The following TSNARE1 variants were observed in gnomAD, a reference collection of about 807,000 sequenced individuals.
TSNARE1 encodes t-SNARE domain containing 1, also known as t-SNARE domain-containing protein 1.
Under a neutral mutation model 62.0 loss-of-function variants are expected in TSNARE1, and 49 were observed. That is an observed-to-expected ratio of 0.79 (90% confidence interval 0.63 to 1.00). TSNARE1 has a LOEUF of 1.00. TSNARE1 is among the 50% of genes least tolerant of loss of function. The probability of loss-of-function intolerance (pLI) is 0.00; values close to 1 mark genes in which losing one functional copy is unlikely to be tolerated. For synonymous variants in TSNARE1, 328 were observed against 294.4 expected, an observed-to-expected ratio of 1.11 and a Z score of -1.17; for missense variants, 755 against 700.1, an observed-to-expected ratio of 1.08 and a Z score of -0.88.
intron 10 of TSNARE1, among the ~76,000 whole-genome samples, chr8:142,289,547 G>A (rs1212232251): frequency 3.3e-5 from 5 of 152,188 alleles, no homozygotes; most frequent in Admixed American, 6.5e-5. Flanking sequence ...TCAGCCACAC[G>A]AGCTGCAGGC....
chr8:142,215,902 G>C (rs146220098), intron 13 of TSNARE1, among the ~76,000 whole-genome samples: 1 of 152,218 alleles, frequency 6.6e-6, no homozygotes, highest in African/African-American at 2.4e-5. Context: ...TGCACCCCAG[G>C]CTGGCTTTGT....
At chr8:142,216,815 G>A (rs1009998239) in intron 13 of TSNARE1, among the ~76,000 whole-genome samples, 1 of 152,204 alleles carries the variant, frequency 6.6e-6, no homozygotes, top group African/African-American at 2.4e-5. Flanking sequence ...CCTCCTCTCA[G>A]TCGACAAATC....
At chr8:142,318,170 G>A (rs752157079) in intron 7 of TSNARE1, among the ~76,000 whole-genome samples, 3 of 152,198 alleles carry the variant, frequency 2.0e-5, no homozygotes, top group Non-Finnish European at 4.4e-5. Flanking sequence ...GGTGGCGGAT[G>A]CAGCAGAGGG....
intron 2 of TSNARE1, among the ~76,000 whole-genome samples, chr8:142,352,213 C>A (rs1406844415): frequency 6.6e-6 from 1 of 152,348 alleles, no homozygotes; most frequent in South Asian, 2.1e-4. Flanking sequence ...ACAAGGCAAA[C>A]CCAAGAGAAA....
intron 10 of TSNARE1, among the ~76,000 whole-genome samples, chr8:142,299,207 G>A (rs1007028855): frequency 6.6e-6 from 1 of 152,232 alleles, no homozygotes; most frequent in African/African-American, 2.4e-5. Context: ...GCAGGGAGGT[G>A]GGGGCCACAG....
intron 13 of TSNARE1, among the ~76,000 whole-genome samples, chr8:142,228,181 C>A (rs189175794): frequency 2.0e-5 from 3 of 152,362 alleles, no homozygotes; most frequent in Non-Finnish European, 4.4e-5. Context: ...AGAGCCAGAG[C>A]CACCCAGCTA....
intron 1 of TSNARE1, among the ~76,000 whole-genome samples, chr8:142,378,819 C>T (rs537943647): frequency 7.9e-5 from 12 of 152,328 alleles, no homozygotes; most frequent in East Asian, 1.9e-4. Context: ...GGTGCTCCAA[C>T]GGGCACGGGT....
At chr8:142,270,095 CCA>C (rs1819385663) in intron 12 of TSNARE1, 2 of 985,438 alleles carry the variant, frequency 2.0e-6, no homozygotes, top group African/African-American at 3.5e-5. Context: ...GGCAGAGGCC[CCA>C]GACTAGCCAA....
At chr8:142,378,971 T>C (rs1049251703) in intron 1 of TSNARE1, among the ~76,000 whole-genome samples, 2 of 152,098 alleles carry the variant, frequency 1.3e-5, no homozygotes, top group South Asian at 2.1e-4. Flanking sequence ...CAGCAGGCTC[T>C]GTGGTCGCCA....
intron 12 of TSNARE1, among the ~76,000 whole-genome samples, chr8:142,253,163 A>ACAGGCTGGCGACAGCC (rs1483865045): frequency 6.6e-6 from 1 of 152,204 alleles, no homozygotes; most frequent in African/African-American, 2.4e-5. Flanking sequence ...GCGGAGGTGG[A>ACAGGCTGGCGACAGCC]CAGGCTGGCG....
In TSNARE1 at chr8:142,229,485, C is replaced by A; in HGVS notation, c.1541G>T (p.Ter514LeuextTer8). The change falls in exon 13 of 14, where the codon TGA (stop) becomes TTA (leucine). Residue 514 changes from the stop codon to leucine, a stop_lost. Transcript: ENST00000524325. ...IIIIATSVRK[*>L] ...GTGGGGTACTCACCACGGGTAGCAT[C>A]ACTTTCGGACAGAGGTGGCGATGAT... 2 of 1,614,058 alleles carry A rather than the reference C, an allele frequency of 1.2e-6. No homozygotes were observed. The highest frequency in any genetic ancestry group is 1.7e-6 in the Non-Finnish European group (2 of 1,179,960).
chr8:142,356,985 G>A (rs936992820), intron 1 of TSNARE1, among the ~76,000 whole-genome samples: 1 of 152,126 alleles, frequency 6.6e-6, no homozygotes, highest in Admixed American at 6.5e-5. Context: ...GCACCGAGAA[G>A]CCAACATTGG....
intron 13 of TSNARE1, among the ~76,000 whole-genome samples, chr8:142,214,961 C>T (rs1442539043): frequency 2.6e-5 from 4 of 152,168 alleles, no homozygotes; most frequent in African/African-American, 9.7e-5. Flanking sequence ...TGATAAGGAC[C>T]CCTCACCGAC....
At chr8:142,270,401 T>TA (rs1295664014) in intron 12 of TSNARE1, 8 of 985,102 alleles carry the variant, frequency 8.1e-6, no homozygotes, top group African/African-American at 3.5e-5. Flanking sequence ...TATGCTTATG[T>TA]AAAAAAATAC....
At chr8:142,343,944 G>A (rs1276698257) in intron 4 of TSNARE1, 22 bp downstream of exon 4, 1 of 1,502,984 alleles carries the variant, frequency 6.7e-7, no homozygotes, top group Admixed American at 2.3e-5. Context: ...CCCTAGCAAG[G>A]TGAGCTGAGC....
intron 1 of TSNARE1, among the ~76,000 whole-genome samples, chr8:142,397,235 T>C (rs935186645): frequency 3.4e-5 from 5 of 147,276 alleles, no homozygotes; most frequent in African/African-American, 1.0e-4. Context: ...TGTGTGGCAG[T>C]GGCGAGGCAG....
chr8:142,331,864 G>T, intron 4 of TSNARE1, 33 bp from the exon 5 acceptor site: 1 of 1,582,334 alleles, frequency 6.3e-7, no homozygotes, highest in South Asian at 1.1e-5. Flanking sequence ...AAAGAACACA[G>T]GCTAAGGGTG....
In TSNARE1 at chr8:142,262,625, TG is replaced by T. The variant is rs1189681019; in HGVS notation, c.1446+12155del. On this transcript the variant is annotated intron_variant, in intron 12 of 13. Transcript: ENST00000524325. ...TAATGCCATCCCCCTAGTGCTGTCATGGCGATAGTGAGTTCTCACAAGATCT... is the reference window on the plus strand; with the variant it reads ...TAATGCCATCCCCCTAGTGCTGTCATGCGATAGTGAGTTCTCACAAGATCT... Among the ~76,000 whole-genome samples, 7 of 152,256 alleles carry T rather than the reference TG, an allele frequency of 4.6e-5. No homozygotes were observed. The East Asian group carries it at 9.7e-4, about 21-fold the overall frequency.
intron 1 of TSNARE1, among the ~76,000 whole-genome samples, chr8:142,393,444 T>C (rs1163456066): frequency 2.6e-5 from 4 of 152,262 alleles, no homozygotes; most frequent in Non-Finnish European, 5.9e-5. Flanking sequence ...ATCCGCTGGC[T>C]GTGCTACTGT....
Sources: gnomAD v4.1 joint callset for allele counts (sites outside exome capture counted in the v4.1 genomes callset) on GRCh38, gnomAD v4.1.1 for gene constraint, MANE v1.5 for transcripts, NCBI Gene and HGNC (gene_info 2026-07-23, HGNC 2026-07-21) for gene names.